Variants in TP53BP2 observed in about 807,000 individuals in gnomAD.
TP53BP2 encodes tumor protein p53 binding protein 2, also known as apoptosis-stimulating of p53 protein 2.
Under a neutral mutation model 126.2 loss-of-function variants are expected in TP53BP2, and 62 were observed. That is an observed-to-expected ratio of 0.49 (90% CI 0.40 to 0.61). The LOEUF (loss-of-function observed/expected upper bound fraction) is 0.61. Ranked by LOEUF, TP53BP2 falls within the 20% of genes least tolerant of loss-of-function variation. The probability of loss-of-function intolerance (pLI) is 0.00; values close to 1 mark genes in which losing one functional copy is unlikely to be tolerated. For synonymous variants in TP53BP2, 485 were observed against 502.9 expected (o/e 0.96, Z 0.48); for missense variants, 1,215 against 1,402.8 (o/e 0.87, Z 2.14).
intron 1 of TP53BP2, among the ~76,000 whole-genome samples, chr1:223,831,485 A>G (rs1369101019): frequency 6.6e-5 from 2 of 30,198 alleles, no homozygotes; most frequent in Non-Finnish European, 1.1e-4. Flanking sequence ...AAAAAAATAT[A>G]TATATATATA....
intron 1 of TP53BP2, among the ~76,000 whole-genome samples, chr1:223,825,455 G>C (rs988080473): frequency 7.2e-5 from 11 of 152,100 alleles, no homozygotes. Context: ...CTGTCTTTTA[G>C]AGCAACATTT....
intron 7 of TP53BP2, 183 bp from the exon 8 acceptor site, chr1:223,803,078 G>T: frequency 2.2e-6 from 2 of 891,292 alleles, no homozygotes; most frequent in Non-Finnish European, 3.4e-6. Flanking sequence ...CTGTGGTTAT[G>T]AGGAATGTCT....
chr1:223,797,436 T>A (rs1243794851), intron 12 of TP53BP2, among the ~76,000 whole-genome samples: 1 of 152,002 alleles, frequency 6.6e-6, no homozygotes, highest in African/African-American at 2.4e-5. Context: ...TTTTTTTTTT[T>A]AGATGGAGTT....
In TP53BP2 at chr1:223,816,237, T is replaced by A. The variant is rs182859918; in HGVS notation, c.176-1884A>T. On this transcript the variant is annotated intron_variant, in intron 2 of 17. Coordinates refer to ENST00000343537, the MANE Select transcript of TP53BP2 (RefSeq NM_001031685.3). ...ACTTTCATCTCTGTATCCCTCTCAA[T>A]CAAGTGCAGTCCCTAGCACATAACA... 9.2e-5 allele frequency among the ~76,000 whole-genome samples: 14 copies of A among 152,262 alleles called. No homozygotes were observed. The East Asian group carries it at 2.5e-3, about 27-fold the overall frequency.
intron 5 of TP53BP2, among the ~76,000 whole-genome samples, chr1:223,805,247 C>A (rs770367153): frequency 6.8e-6 from 1 of 147,150 alleles, no homozygotes; most frequent in Non-Finnish European, 1.5e-5. Context: ...ACAGTGAGAA[C>A]CCATCTCAAA....
chr1:223,804,722 G>A (rs1447282328), intron 5 of TP53BP2, among the ~76,000 whole-genome samples: 1 of 152,166 alleles, frequency 6.6e-6, no homozygotes, highest in Non-Finnish European at 1.5e-5. Flanking sequence ...AAGATTTGGA[G>A]TACATTTAGA....
At chr1:223,808,540 C>CAA (rs34273651) in intron 4 of TP53BP2, among the ~76,000 whole-genome samples, 2 of 110,836 alleles carry the variant, frequency 1.8e-5, no homozygotes, top group Non-Finnish European at 4.0e-5. Flanking sequence ...GACTCTGTAT[C>CAA]AAAAAAAAAA....
intron 6 of TP53BP2, 31 bp downstream of exon 6, chr1:223,804,143 T>C: frequency 1.3e-6 from 2 of 1,584,426 alleles, no homozygotes; most frequent in Middle Eastern, 1.7e-4. Flanking sequence ...AATAAATGTA[T>C]AAAAAAGTAA....
chr1:223,845,669 C>A lies in TP53BP2; in HGVS notation c.12G>T (p.Gly4=), dbSNP rs547631287. 13 of 1,552,328 alleles carry A rather than the reference C, an allele frequency of 8.4e-6. No individual in the cohort carries two copies. Among genetic ancestry groups the A allele is most frequent in the African/African-American group, 4.3e-5 (3 of 70,532 alleles). MRF[G]SKMMPMFLTV... is the part of the protein sequence containing the mutation. Reference sequence around the variant, plus strand: ...GCCCACTTACCGGCATCATCTTGGACCCGAACCGCATGGAAGCGGGTGGCC... The same window carrying A: ...GCCCACTTACCGGCATCATCTTGGAACCGAACCGCATGGAAGCGGGTGGCC... The change falls in exon 1 of 18, where the codon GGG becomes GGT. Residue 4 remains glycine (G), a synonymous_variant. Transcript: ENST00000343537.
At chr1:223,783,171 C>G (rs1412545928) in intron 17 of TP53BP2, among the ~76,000 whole-genome samples, 1 of 152,198 alleles carries the variant, frequency 6.6e-6, no homozygotes, top group Admixed American at 6.5e-5. Context: ...ATGAAAAGAC[C>G]AAGAATACAT....
intron 1 of TP53BP2, among the ~76,000 whole-genome samples, chr1:223,838,450 C>T (rs1289533515): frequency 1.3e-5 from 2 of 152,212 alleles, no homozygotes; most frequent in Admixed American, 6.5e-5. Flanking sequence ...TTACTGCTCC[C>T]TACTACACGG....
Position 223,802,238 on chromosome 1 carries a change from C to A in TP53BP2, c.1103G>T (p.Arg368Met). The A allele has an allele frequency of 6.2e-7, 1 of 1,614,182 alleles. No individual in the cohort carries two copies. The highest frequency in any genetic ancestry group is 8.5e-7 in the Non-Finnish European group (1 of 1,180,040). ...GGCTGGCTTCACCAGCAATTCAGGC[C>A]TTGAGGGCATCCGAGGCATAGTAGA... ...QSSTMPRMPS[R>M]PELLVKPALP... Residue 368 changes from arginine (R) to methionine (M), a missense_variant, in exon 9 of 18, where the codon AGG becomes ATG. By Grantham distance (91) the Arg-to-Met change is moderately conservative (BLOSUM62 -1). This residue lies in a region of TP53BP2 where 814 missense variants were observed against 853.0 expected (regional missense o/e 0.95). Transcript: ENST00000343537.
At position 223,810,361 on chromosome 1, in the gene TP53BP2, G is replaced by C. The variant is rs1172420287; in HGVS notation, c.372+70C>G. ...GCCCATTGAATAACAAAGTAATAAT[G>C]AATAAGATTTAAAGTTAAAAAATAT... On this transcript the variant is annotated intron_variant, in intron 4 of 17. Coordinates refer to ENST00000343537, the MANE Select transcript of TP53BP2 (RefSeq NM_001031685.3). 7 of 1,140,382 alleles carry C rather than the reference G, an allele frequency of 6.1e-6. No individual in the cohort carries two copies. The East Asian group carries it at 1.6e-4, about 26-fold the overall frequency. 70.6% of individuals were successfully genotyped at this position (1,140,382 alleles called of 1,614,324 possible). A position where few individuals can be genotyped will look rare whatever the true frequency, so the allele number is the denominator to read the frequency against.
chr1:223,788,525 A>C (rs996878130), intron 16 of TP53BP2, among the ~76,000 whole-genome samples: 1 of 152,234 alleles, frequency 6.6e-6, no homozygotes. Flanking sequence ...ACTCAAAATC[A>C]AGAAAACAAA....
intron 1 of TP53BP2, among the ~76,000 whole-genome samples, chr1:223,832,485 C>A (rs369530501): frequency 6.6e-6 from 1 of 152,194 alleles, no homozygotes; most frequent in Non-Finnish European, 1.5e-5. Flanking sequence ...CTTATGGAGG[C>A]AGGCCCGAAA....
chr1:223,789,381 T>C (rs796220235), intron 15 of TP53BP2, among the ~76,000 whole-genome samples: 25 of 152,322 alleles, frequency 1.6e-4, no homozygotes, highest in African/African-American at 5.1e-4. Flanking sequence ...CAGAGAGTCA[T>C]GGACCACAAT....
chr1:223,841,447 A>C, intron 1 of TP53BP2, among the ~76,000 whole-genome samples: 1 of 152,192 alleles, frequency 6.6e-6, no homozygotes, highest in East Asian at 1.9e-4. Flanking sequence ...ATTCTTTCAG[A>C]CCATGATATA....
In TP53BP2 at chr1:223,818,630, A is replaced by C. The variant is rs536201417; in HGVS notation, c.175+2590T>G. On this transcript the variant is annotated intron_variant, in intron 2 of 17. Transcript: ENST00000343537. The stretch of plus-strand genomic sequence containing the variant: ...TGTCACCCAGGCTGGAGTGGAGTGG[A>C]GTTGTGCGATCTCAGCTCATTGCAA... Among the ~76,000 whole-genome samples, 4 of 149,564 alleles carry C rather than the reference A, an allele frequency of 2.7e-5. No homozygotes were observed. In the East Asian group the frequency reaches 6.2e-4, roughly 23 times the overall value.
chr1:223,814,280 G>A lies in TP53BP2; in HGVS notation c.249C>T (p.Arg83=). The change falls in exon 3 of 18, where the codon CGC becomes CGT. Residue 83 remains arginine, a synonymous_variant. Coordinates refer to ENST00000343537, the MANE Select transcript of TP53BP2 (RefSeq NM_001031685.3). ...QRFGSQRNEV[R]FFLRHERPPG... ...GGGGGCGTTCATGACGAAGGAAGAA[G>A]CGAACTTCGTTCCTCTGACTTCCAA... The A allele has an allele frequency of 1.1e-5, 18 of 1,613,928 alleles. No homozygotes were observed. The highest frequency in any genetic ancestry group is 1.3e-5 in the Non-Finnish European group (15 of 1,179,826).
Sources: allele counts gnomAD v4.1 joint callset (sites outside exome capture counted in the v4.1 genomes callset), GRCh38; gene constraint gnomAD v4.1.1; regional missense constraint gnomAD v4.1.1; transcripts MANE v1.5; gene names NCBI Gene and HGNC (gene_info 2026-07-23, HGNC 2026-07-21).